Variants in ARHGEF19 observed in about 807,000 individuals in gnomAD.
The protein encoded by ARHGEF19 is Rho guanine nucleotide exchange factor 19.
ARHGEF19 carries 92 observed loss-of-function variants against 87.6 expected under a neutral mutation model. The ratio of observed to expected loss-of-function variants is 1.05; its 90% CI spans 0.89 to 1.25. The LOEUF (loss-of-function observed/expected upper bound fraction) is 1.25, where lower values mean the gene tolerates loss of function less well. ARHGEF19 is among the 50% of genes most tolerant of loss of function. ARHGEF19 has a pLI of 0.00. For missense variants in ARHGEF19, 1,054 were observed against 1,051.8 expected (o/e 1.00, Z -0.03); for synonymous variants, 438 against 446.2 (o/e 0.98, Z 0.23).
chr1:16,199,694 C>CT lies in ARHGEF19; in HGVS notation c.2147-441dup. 1.4e-5 allele frequency among the ~76,000 whole-genome samples: 2 copies of CT among 141,726 alleles called. 1 individual carries two copies. Among genetic ancestry groups the CT allele is most frequent in the Admixed American group, 1.6e-4 (2 of 12,788 alleles). 93.0% of individuals were successfully genotyped at this position (141,726 alleles called of 152,430 possible). A position where few individuals can be genotyped will look rare whatever the true frequency, so the allele number is the denominator to read the frequency against. ...CCCAACTGGGATTCAAGCTGCATCG[C>CT]TCCCGTTTAAAGCCCTCCAGGGCTT... On this transcript the variant is annotated intron_variant, in intron 14 of 15. Coordinates refer to ENST00000270747, the MANE Select transcript of ARHGEF19 (RefSeq NM_153213.5).
chr1:16,207,892 C>T lies in ARHGEF19; in HGVS notation c.694+52G>A. 1 of 1,514,762 alleles carries T rather than the reference C, an allele frequency of 6.6e-7. No homozygotes were observed. The highest frequency in any genetic ancestry group is 2.3e-5 in the East Asian group (1 of 43,946). 93.8% of individuals were successfully genotyped at this position (1,514,762 alleles called of 1,614,324 possible). On this transcript the variant is annotated intron_variant, in intron 3 of 15. Coordinates refer to ENST00000270747, the MANE Select transcript of ARHGEF19 (RefSeq NM_153213.5). The surrounding 1 kb of genome is among the most constrained non-coding windows in gnomAD (Gnocchi z 4.0). ...CCGGTGAGTGGGCATCGCCCACCCCCACCCCCACCCGGCATCTGGCTGCCC... is the reference window on the plus strand; with the variant it reads ...CCGGTGAGTGGGCATCGCCCACCCCTACCCCCACCCGGCATCTGGCTGCCC...
intron 14 of ARHGEF19, among the ~76,000 whole-genome samples, 177 bp from the exon 15 acceptor site, chr1:16,199,431 G>A (rs1176882329): frequency 6.6e-6 from 1 of 152,000 alleles, no homozygotes; most frequent in African/African-American, 2.4e-5. Context: ...CATACCCTCT[G>A]CCCACCCTGG....
chr1:16,207,713 G>C lies in ARHGEF19; in HGVS notation c.759C>G (p.Ala253=). The change falls in exon 4 of 16, where the codon GCC becomes GCG. Residue 253 remains alanine (A), a synonymous_variant. Transcript: ENST00000270747. The surrounding 1 kb of genome is among the most constrained non-coding windows in gnomAD (Gnocchi z 4.0). The part of the protein sequence containing the change: ...EMSGDRVSRP[A]PGDSREGDWS... ...AATCGCCCTCTCGTGAGTCACCAGG[G>C]GCTGGCCGCGACACCCGGTCCCCGC... The C allele has an allele frequency of 6.2e-7, 1 of 1,614,008 alleles. No individual in the cohort carries two copies. The highest frequency in any genetic ancestry group is 8.5e-7 in the Non-Finnish European group (1 of 1,180,026).
In ARHGEF19 at chr1:16,202,496, G is replaced by A. The variant is rs764864287; in HGVS notation, c.1986C>T (p.Gly662=). 6.2e-7 allele frequency: 1 copy of A among 1,614,202 alleles called. No homozygotes were observed. The highest frequency in any genetic ancestry group is 8.5e-7 in the Non-Finnish European group (1 of 1,180,026). Residue 662 remains glycine (G), a synonymous_variant, in exon 13 of 16, where the codon GGC becomes GGT. Coordinates refer to ENST00000270747, the MANE Select transcript of ARHGEF19 (RefSeq NM_153213.5). ...QVRDLSLKLQ[G]IPGHVFLLQL... ...GGAGGAGGAACACGTGGCCGGGGAT[G>A]CCCTGCAGCTTCAGGCTCAGGTCCC...
intron 1 of ARHGEF19, among the ~76,000 whole-genome samples, chr1:16,210,999 A>C (rs1376266150): frequency 2.0e-5 from 3 of 151,964 alleles, no homozygotes; most frequent in African/African-American, 7.3e-5. Flanking sequence ...GGAGGGTGGG[A>C]AGAAGGGGAC....
chr1:16,209,156 C>T (rs1005230663), intron 1 of ARHGEF19, 73 bp from the exon 2 acceptor site: 112 of 1,170,068 alleles, frequency 9.6e-5, no homozygotes, highest in Non-Finnish European at 1.1e-4. Context: ...CCCTGGAGGC[C>T]TGGACAAACC....
chr1:16,205,195 G>A lies in ARHGEF19; in HGVS notation c.1657-19C>T. 1.9e-6 allele frequency: 3 copies of A among 1,593,530 alleles called. No homozygotes were observed. Among genetic ancestry groups the A allele is most frequent in the East Asian group, 2.3e-5 (1 of 44,068 alleles). On this transcript the variant is annotated intron_variant, in intron 10 of 15. Coordinates refer to ENST00000270747, the MANE Select transcript of ARHGEF19 (RefSeq NM_153213.5). The surrounding 1 kb of genome is among the most constrained non-coding windows in gnomAD (Gnocchi z 5.8). ...GCACCAGCTGGGGGAGCCGTGGGGA[G>A]GTCACCTGCAGCCCCTCAGCTCCGG...
In ARHGEF19 at chr1:16,198,560, G is replaced by A; in HGVS notation, c.*27C>T. The stretch of plus-strand genomic sequence containing the variant: ...GGACCATCCAGGAGCCAGGCATGGA[G>A]GTGGGGTCCTAGGCCATGGCTGCCC... On this transcript the variant is annotated 3_prime_UTR_variant, in exon 16 of 16. Transcript: ENST00000270747. This position sits in a 1 kb window ranked among gnomAD's most constrained non-coding sequence, Gnocchi z 4.1. The A allele has an allele frequency of 1.3e-6, 2 of 1,578,108 alleles. No individual in the cohort carries two copies. The highest frequency in any genetic ancestry group is 1.3e-5 in the African/African-American group (1 of 74,326).
intron 12 of ARHGEF19, among the ~76,000 whole-genome samples, chr1:16,203,860 G>T (rs1460927618): frequency 6.6e-6 from 1 of 152,170 alleles, no homozygotes; most frequent in Non-Finnish European, 1.5e-5. Context: ...AAACCCTGAT[G>T]ATATGGTTGT....
Position 16,206,949 on chromosome 1 carries a change from T to C in ARHGEF19, c.1136A>G (p.Glu379Gly), listed in dbSNP as rs757965676. 1.7e-3 allele frequency: 2,163 copies of C among 1,256,476 alleles called. 4 individuals are homozygous for C. The highest frequency in any genetic ancestry group is 1.9e-3 in the Non-Finnish European group (1,861 of 985,464). The allele number at this position is 1,256,476 out of a possible 1,614,324, so 77.8% of individuals were successfully genotyped here. A position where few individuals can be genotyped will look rare whatever the true frequency, so the allele number is the denominator to read the frequency against. ...TLSLRDCKLQ[E>G]AKFELITSEA... ...CGCCGGGTCCCCGCGCGCGCCCACC[T>C]CCTGCAGCTTGCAGTCCCGCAGGCT... The change falls in exon 6 of 16, where the codon GAG becomes GGG. Residue 379 changes from glutamate (E) to glycine (G), a missense_variant and splice_region_variant. Physicochemically the swap from Glu to Gly is moderately conservative, Grantham distance 98 (BLOSUM62 -2). Transcript: ENST00000270747. This position sits in a 1 kb window ranked among gnomAD's most constrained non-coding sequence, Gnocchi z 4.6.
rs192931448 is a variant in ARHGEF19, at chr1:16,198,938, G to C, written c.2252-194C>G. Among the ~76,000 whole-genome samples the C allele has an allele frequency of 9.9e-5, 15 of 152,142 alleles. No homozygotes were observed. In the East Asian group the frequency reaches 2.9e-3, roughly 29 times the overall value. ...GATGAACTTCTGACCTGTTTTTCCTGATATCCTCTGAAAGGGTATTTCCCA... is the reference window on the plus strand; with the variant it reads ...GATGAACTTCTGACCTGTTTTTCCTCATATCCTCTGAAAGGGTATTTCCCA... On this transcript the variant is annotated intron_variant, in intron 15 of 15. Coordinates refer to ENST00000270747, the MANE Select transcript of ARHGEF19 (RefSeq NM_153213.5). This position sits in a 1 kb window ranked among gnomAD's most constrained non-coding sequence, Gnocchi z 4.1.
Position 16,208,857 on chromosome 1 carries a change from G to T in ARHGEF19, c.198C>A (p.Ser66=). ...EELRAPGSRW[S]LGTPAPLQGL... ...CTTGGAGAGGGGCAGGGGTCCCCAG[G>T]GACCAGCGGCTGCCAGGAGCCCGAA... The change falls in exon 2 of 16, where the codon TCC becomes TCA. Residue 66 remains serine, a synonymous_variant. Coordinates refer to ENST00000270747, the MANE Select transcript of ARHGEF19 (RefSeq NM_153213.5). 6.2e-7 allele frequency: 1 copy of T among 1,606,240 alleles called. No individual in the cohort carries two copies. The highest frequency in any genetic ancestry group is 8.5e-7 in the Non-Finnish European group (1 of 1,177,784).
At chr1:16,200,874 C>G (rs771539824) in intron 14 of ARHGEF19, among the ~76,000 whole-genome samples, 1 of 152,082 alleles carries the variant, frequency 6.6e-6, no homozygotes, top group Non-Finnish European at 1.5e-5. Context: ...GCACTCCAGC[C>G]TGGGGTACAG....
intron 1 of ARHGEF19, among the ~76,000 whole-genome samples, chr1:16,210,105 G>A (rs1472085119): frequency 6.6e-6 from 1 of 152,248 alleles, no homozygotes; most frequent in Non-Finnish European, 1.5e-5. Context: ...CTTGCCCTGT[G>A]GCCCTCTGCC....
rs1369166296 is a variant in ARHGEF19, at chr1:16,205,877, A to G, written c.1451+54T>C. The G allele has an allele frequency of 6.4e-7, 1 of 1,557,052 alleles. No individual in the cohort carries two copies. Among genetic ancestry groups the G allele is most frequent in the Non-Finnish European group, 8.7e-7 (1 of 1,150,304 alleles). On this transcript the variant is annotated intron_variant, in intron 8 of 15. Transcript: ENST00000270747. The surrounding 1 kb of genome is among the most constrained non-coding windows in gnomAD (Gnocchi z 5.8). ...ACGTCACCCAGCCCTCAGTGCCTAC[A>G]CCTGCCTGAGACTCCCTCCACGCCC...
At position 16,208,884 on chromosome 1, in the gene ARHGEF19, C is replaced by T. The variant is rs1345872587; in HGVS notation, c.171G>A (p.Glu57=). The part of the protein sequence containing the change: ...CLDLFPVAPE[E]LRAPGSRWSL... The stretch of plus-strand genomic sequence containing the variant: ...ACCAGCGGCTGCCAGGAGCCCGAAG[C>T]TCCTCTGGGGCAACAGGGAAAAGGT... The change falls in exon 2 of 16, where the codon GAG becomes GAA. Residue 57 remains glutamate (E), a synonymous_variant. Transcript: ENST00000270747. 1 of 1,602,998 alleles carries T rather than the reference C, an allele frequency of 6.2e-7. No individual in the cohort carries two copies. Among genetic ancestry groups the T allele is most frequent in the Non-Finnish European group, 8.5e-7 (1 of 1,176,636 alleles).
rs775727303 is a variant in ARHGEF19 at position 16,206,321 on chromosome 1, G to A, written c.1157C>T (p.Thr386Ile). 8 of 1,579,840 alleles carry A rather than the reference G, an allele frequency of 5.1e-6. No individual in the cohort carries two copies. The highest frequency in any genetic ancestry group is 6.9e-6 in the Non-Finnish European group (8 of 1,163,458). Residue 386 changes from threonine (T) to isoleucine (I), a missense_variant, in exon 7 of 16, where the codon ACC becomes ATC. Coordinates refer to ENST00000270747, the MANE Select transcript of ARHGEF19 (RefSeq NM_153213.5). This position sits in a 1 kb window ranked among gnomAD's most constrained non-coding sequence, Gnocchi z 4.6. Reference protein sequence around the residue: ...KLQEAKFELITSEASYIHSLS... With the variant: ...KLQEAKFELIISEASYIHSLS... The stretch of plus-strand genomic sequence containing the variant: ...GCTGTGGATGTAGGAGGCCTCGGAG[G>A]TGATCAGCTCAAACTTGGCCTGAGG...
rs1252783889 is a variant in ARHGEF19, at chr1:16,198,091, A to G, written c.*496T>C. The G allele has an allele frequency of 2.6e-5, 4 of 152,410 alleles. No individual in the cohort carries two copies. The East Asian group carries it at 5.8e-4, about 22-fold the overall frequency. 9.4% of individuals were successfully genotyped at this position (152,410 alleles called of 1,614,324 possible). A position where few individuals can be genotyped will look rare whatever the true frequency, so the allele number is the denominator to read the frequency against. The stretch of plus-strand genomic sequence containing the variant: ...GGGTGGGGGCAGCATCAGATGGATC[A>G]CAGACTCCAAGCAAAGGCATGATAG... On this transcript the variant is annotated 3_prime_UTR_variant, in exon 16 of 16. Transcript: ENST00000270747. This position sits in a 1 kb window ranked among gnomAD's most constrained non-coding sequence, Gnocchi z 4.1.
At chr1:16,210,150 C>A (rs1415020116) in intron 1 of ARHGEF19, among the ~76,000 whole-genome samples, 1 of 152,260 alleles carries the variant, frequency 6.6e-6, no homozygotes, top group East Asian at 1.9e-4. Context: ...CTCTCTGGGC[C>A]CAGGCCCGCT....
Sources: allele counts gnomAD v4.1 joint callset (sites outside exome capture counted in the v4.1 genomes callset), GRCh38; gene constraint gnomAD v4.1.1; non-coding constraint Gnocchi (gnomAD v3.1); transcripts MANE v1.5; gene names NCBI Gene and HGNC (gene_info 2026-07-23, HGNC 2026-07-21).